PROM2: variants seen among roughly 807,000 people sequenced by gnomAD.
PROM2 encodes the protein prominin-2.
PROM2 carries 90 observed loss-of-function variants against 110.2 expected under a neutral mutation model. The observed-to-expected ratio is 0.82, with a 90% confidence interval of 0.69 to 0.97. The LOEUF (loss-of-function observed/expected upper bound fraction) is 0.97. PROM2 is among the 50% of genes least tolerant of loss of function. The pLI is 0.00. For missense variants in PROM2, 1,009 were observed against 1,074.8 expected, an observed-to-expected ratio of 0.94 and a Z score of 0.86; for synonymous variants, 470 against 467.8, an observed-to-expected ratio of 1.00 and a Z score of -0.06.
rs1223035052 is a variant in PROM2, at chr2:95,275,033, CTCTG to C, written c.244+210_244+213del. The C allele has an allele frequency of 3.5e-6, 2 of 579,002 alleles. No homozygotes were observed. The highest frequency in any genetic ancestry group is 1.9e-5 in the African/African-American group (1 of 52,750). The allele number at this position is 579,002 out of a possible 1,614,324, so 35.9% of individuals were successfully genotyped here. A position where few individuals can be genotyped will look rare whatever the true frequency, so the allele number is the denominator to read the frequency against. On this transcript the variant is annotated intron_variant, in intron 1 of 23. Coordinates refer to ENST00000317620, the MANE Select transcript of PROM2 (RefSeq NM_001165978.3). The surrounding 1 kb of genome is among the most constrained non-coding windows in gnomAD (Gnocchi z 4.4). ...TCACTTCCTCTCTGAGCCTCAGGTG[CTCTG>C]TCTGTAAAGTGAGGAGGTTACATTG... is the stretch of plus-strand genomic sequence containing the variant.
Position 95,278,015 on chromosome 2 carries a change from C to T in PROM2, c.1050+11C>T. Reference sequence around the variant, plus strand: ...AGCATGGTCCAGGAGGTGAGAGCCACCTGGTCTGCCTGATTTCTCCCTCAC... The same window carrying T: ...AGCATGGTCCAGGAGGTGAGAGCCATCTGGTCTGCCTGATTTCTCCCTCAC... On this transcript the variant is annotated intron_variant, in intron 8 of 23. Coordinates refer to ENST00000317620, the MANE Select transcript of PROM2 (RefSeq NM_001165978.3). The T allele has an allele frequency of 6.2e-7, 1 of 1,604,402 alleles. No individual in the cohort carries two copies. Among genetic ancestry groups the T allele is most frequent in the Non-Finnish European group, 8.5e-7 (1 of 1,175,432 alleles).
chr2:95,285,238 C>T, intron 15 of PROM2, 123 bp downstream of exon 15: 1 of 1,176,802 alleles, frequency 8.5e-7, no homozygotes. Flanking sequence ...TTTCCTGGGG[C>T]CTCTTCCTGT....
Position 95,289,285 on chromosome 2 carries a change from G to T in PROM2, c.*72G>T. ...GATTTAGCCTGGGCCACAGGACTTC[G>T]GTAGCTCTTGCCCCAGAGCCCAGGC... On this transcript the variant is annotated 3_prime_UTR_variant, in exon 24 of 24. Transcript: ENST00000317620. 1 of 491,282 alleles carries T rather than the reference G, an allele frequency of 2.0e-6. No individual in the cohort carries two copies. Among genetic ancestry groups the T allele is most frequent in the Non-Finnish European group, 3.7e-6 (1 of 268,638 alleles). The allele number at this position is 491,282 out of a possible 1,614,324, so 30.4% of individuals were successfully genotyped here.
rs1438946827 is a variant in PROM2 at position 95,291,282 on chromosome 2, T to C, written c.*2069T>C. 1 of 152,180 alleles carries C rather than the reference T, an allele frequency of 6.6e-6. No individual in the cohort carries two copies. The highest frequency in any genetic ancestry group is 1.5e-5 in the Non-Finnish European group (1 of 68,026). The allele number at this position is 152,180 out of a possible 1,614,324, so 9.4% of individuals were successfully genotyped here. A position where few individuals can be genotyped will look rare whatever the true frequency, so the allele number is the denominator to read the frequency against. ...GCACCCTTGCATTTCAAAAATAAAATTGATGGCATTACAAATGGAATAGAA... is the reference window on the plus strand; with the variant it reads ...GCACCCTTGCATTTCAAAAATAAAACTGATGGCATTACAAATGGAATAGAA... On this transcript the variant is annotated 3_prime_UTR_variant, in exon 24 of 24. Transcript: ENST00000317620.
At chr2:95,277,650 C>T in intron 7 of PROM2, 84 bp downstream of exon 7, 1 of 1,335,692 alleles carries the variant, frequency 7.5e-7, no homozygotes, top group Non-Finnish European at 1.0e-6. Context: ...TCCCAGTCCC[C>T]TTGCCCCAAT....
rs954887660 is a variant in PROM2 at position 95,278,267 on chromosome 2, C to T, written c.1050+263C>T. 10 of 568,726 alleles carry T rather than the reference C, an allele frequency of 1.8e-5. No individual in the cohort carries two copies. In the South Asian group the frequency reaches 2.2e-4, roughly 12 times the overall value. The allele number at this position is 568,726 out of a possible 1,614,324, so 35.2% of individuals were successfully genotyped here. A position where few individuals can be genotyped will look rare whatever the true frequency, so the allele number is the denominator to read the frequency against. On this transcript the variant is annotated intron_variant, in intron 8 of 23. Coordinates refer to ENST00000317620, the MANE Select transcript of PROM2 (RefSeq NM_001165978.3). ...GTCTGAGCCCAGAGGGCAGGCGGCT[C>T]CCCTGGGTGGAGATGGGCCAAGGGG...
At chr2:95,282,575 G>A (rs1038811584) in intron 14 of PROM2, among the ~76,000 whole-genome samples, 2 of 152,230 alleles carry the variant, frequency 1.3e-5, no homozygotes, top group Admixed American at 6.5e-5. Flanking sequence ...GGGGAAGGAC[G>A]TGGCAGTGAC....
intron 8 of PROM2, 90 bp from the exon 9 acceptor site, chr2:95,278,631 G>A: frequency 6.9e-7 from 1 of 1,445,438 alleles, no homozygotes; most frequent in Non-Finnish European, 9.7e-7. Context: ...ACTGAGGGGG[G>A]CCCTCCCTCT....
At position 95,282,216 on chromosome 2, in the gene PROM2, A is replaced by T; in HGVS notation, c.1718A>T (p.Asp573Val). ...NDSYDLEEHL[D>V]INQYTNKLRQ... Reference sequence around the variant, plus strand: ...TCCTACGACCTGGAGGAGCACCTGGATATCAACCAGGTGAGAGAACGTTTT... The same window carrying T: ...TCCTACGACCTGGAGGAGCACCTGGTTATCAACCAGGTGAGAGAACGTTTT... The change falls in exon 14 of 24, where the codon GAT (aspartate) becomes GTT (valine). Residue 573 changes from aspartate to valine, a missense_variant. Coordinates refer to ENST00000317620, the MANE Select transcript of PROM2 (RefSeq NM_001165978.3). 6.2e-7 allele frequency: 1 copy of T among 1,612,936 alleles called. No homozygotes were observed. Among genetic ancestry groups the T allele is most frequent in the Non-Finnish European group, 8.5e-7 (1 of 1,179,302 alleles).
chr2:95,281,088 A>G (rs529768911), intron 11 of PROM2, among the ~76,000 whole-genome samples, 154 bp from the exon 12 acceptor site: 2 of 152,298 alleles, frequency 1.3e-5, no homozygotes, highest in East Asian at 3.9e-4. Flanking sequence ...CCTCCTCTCC[A>G]GGAGGCCAAG....
chr2:95,276,016 C>G lies in PROM2; in HGVS notation c.381C>G (p.Phe127Leu). 6.2e-7 allele frequency: 1 copy of G among 1,611,626 alleles called. No homozygotes were observed. The highest frequency in any genetic ancestry group is 8.5e-7 in the Non-Finnish European group (1 of 1,179,828). Residue 127 changes from phenylalanine (F) to leucine (L), a missense_variant, in exon 3 of 24, where the codon TTC (phenylalanine) becomes TTG (leucine). By Grantham distance (22) the Phe-to-Leu change is conservative. Coordinates refer to ENST00000317620, the MANE Select transcript of PROM2 (RefSeq NM_001165978.3). The surrounding 1 kb of genome is among the most constrained non-coding windows in gnomAD (Gnocchi z 4.6). The stretch of plus-strand genomic sequence containing the variant: ...TGGTGCCCACTGCCGGGCTTTGCTT[C>G]TGCTGCTGCCGCTGCCACCGGCGCT... ...LLLVPTAGLCFCCCRCHRRCG... is the reference protein window; with the variant it reads ...LLLVPTAGLCLCCCRCHRRCG...
rs892140530 is a variant in PROM2, at chr2:95,286,972, T to C, written c.2094+115T>C. 3.7e-6 allele frequency: 5 copies of C among 1,364,914 alleles called. No homozygotes were observed. In the African/African-American group the frequency reaches 5.7e-5, roughly 16 times the overall value. 84.6% of individuals were successfully genotyped at this position (1,364,914 alleles called of 1,614,324 possible). ...GCTCTGCCCAGGTTGCAGGTGGGGT[T>C]GGGAGGAAGATGGGGGTGGCAGCAG... is the stretch of plus-strand genomic sequence containing the variant. On this transcript the variant is annotated intron_variant, in intron 18 of 23. Transcript: ENST00000317620.
chr2:95,283,436 A>G (rs373963341), intron 14 of PROM2, among the ~76,000 whole-genome samples: 1 of 152,260 alleles, frequency 6.6e-6, no homozygotes, highest in Non-Finnish European at 1.5e-5. Flanking sequence ...GTAGGCAGAC[A>G]TGAGTAACAC....
At chr2:95,278,142 C>G (rs1676787443) in intron 8 of PROM2, 138 bp downstream of exon 8, 1 of 682,924 alleles carries the variant, frequency 1.5e-6, no homozygotes, top group African/African-American at 1.8e-5. Context: ...CAGGGGACTC[C>G]CGACGACCAT....
chr2:95,288,590 G>A lies in PROM2; in HGVS notation c.2441+1G>A, dbSNP rs770359523. On this transcript the variant is annotated splice_donor_variant, in intron 22 of 23. Coordinates refer to ENST00000317620, the MANE Select transcript of PROM2 (RefSeq NM_001165978.3). LOFTEE classifies it high-confidence loss of function. Reference sequence around the variant, plus strand: ...TCCGTCCTATCCGGAAACGCCTCAGGTGAGGGGCTGCCAGGGCTGCAGGCA... The same window carrying A: ...TCCGTCCTATCCGGAAACGCCTCAGATGAGGGGCTGCCAGGGCTGCAGGCA... The A allele has an allele frequency of 3.7e-6, 6 of 1,612,566 alleles. No homozygotes were observed. The highest frequency in any genetic ancestry group is 5.1e-6 in the Non-Finnish European group (6 of 1,178,950).
Position 95,282,136 on chromosome 2 carries a change from C to T in PROM2, c.1644-6C>T. The T allele has an allele frequency of 6.2e-7, 1 of 1,613,634 alleles. No homozygotes were observed. Among genetic ancestry groups the T allele is most frequent in the East Asian group, 2.2e-5 (1 of 44,856 alleles). ...CTCATCGTCTGCACCCCTCACTCCT[C>T]CTCAGGCAGTGCAAGGAAGGGGCAG... On this transcript the variant is annotated splice_polypyrimidine_tract_variant and splice_region_variant and intron_variant, in intron 13 of 23. Coordinates refer to ENST00000317620, the MANE Select transcript of PROM2 (RefSeq NM_001165978.3).
chr2:95,282,656 G>A (rs1677118700), intron 14 of PROM2, among the ~76,000 whole-genome samples: 1 of 152,160 alleles, frequency 6.6e-6, no homozygotes, highest in South Asian at 2.1e-4. Context: ...AGGTGGTGGT[G>A]GCAGGATTCC....
chr2:95,284,791 A>G (rs1486337859), intron 14 of PROM2, among the ~76,000 whole-genome samples, 178 bp from the exon 15 acceptor site: 1 of 152,214 alleles, frequency 6.6e-6, no homozygotes, highest in Non-Finnish European at 1.5e-5. Flanking sequence ...CCCGTGATCT[A>G]GTACCTCCCA....
Position 95,277,454 on chromosome 2 carries a change from G to T in PROM2, c.863G>T (p.Arg288Leu). Reference sequence around the variant, plus strand: ...CAGCAGGACCTGGAGCCAGCCATCCGGGAACACCGGGACCGCCTCCTTGAG... The same window carrying T: ...CAGCAGGACCTGGAGCCAGCCATCCTGGAACACCGGGACCGCCTCCTTGAG... The part of the protein sequence containing the change: ...AGQQDLEPAI[R>L]EHRDRLLELL... Residue 288 changes from arginine to leucine, a missense_variant, in exon 7 of 24, where the codon CGG becomes CTG. Physicochemically the swap from Arg to Leu is moderately radical, Grantham distance 102. Coordinates refer to ENST00000317620, the MANE Select transcript of PROM2 (RefSeq NM_001165978.3). The T allele has an allele frequency of 6.2e-7, 1 of 1,613,146 alleles. No individual in the cohort carries two copies. The highest frequency in any genetic ancestry group is 8.5e-7 in the Non-Finnish European group (1 of 1,179,900).
Sources: gnomAD v4.1 joint callset for allele counts (sites outside exome capture counted in the v4.1 genomes callset) on GRCh38, gnomAD v4.1.1 for gene constraint, Gnocchi (gnomAD v3.1) non-coding constraint, MANE v1.5 for transcripts, NCBI Gene and HGNC (gene_info 2026-07-23, HGNC 2026-07-21) for gene names.